Variants in MTMR8 observed in about 807,000 individuals in gnomAD.
MTMR8 encodes phosphatidylinositol-3,5-bisphosphate 3-phosphatase MTMR8.
In MTMR8, 65 loss-of-function variants were observed where a neutral mutation model predicts 39.3. The ratio of observed to expected loss-of-function variants is 1.65; its 90% CI spans 1.35 to 2.03. MTMR8 has a LOEUF of 2.03. Among genes scored for constraint, MTMR8 ranks in the 30% most tolerant of loss-of-function variants. The pLI is 0.00. For missense variants in MTMR8, 777 were observed against 538.9 expected (o/e 1.44, Z -4.37); for synonymous variants, 245 against 185.2 (o/e 1.32, Z -2.62).
At chrX:64,374,089 A>G (rs901479721) in intron 1 of MTMR8, among the ~76,000 whole-genome samples, 2 of 112,031 alleles carry the variant, frequency 1.8e-5, no homozygotes, top group African/African-American at 6.5e-5. Context: ...CATGGGAAAT[A>G]AAAGTAGAAT....
At chrX:64,359,357 T>A (rs377477783) in intron 2 of MTMR8, 48 bp downstream of exon 2, 72 of 1,146,758 alleles carry the variant, frequency 6.3e-5, no homozygotes, top group African/African-American at 1.8e-5. Flanking sequence ...AGAGAGCATG[T>A]ATGCACAACT....
chrX:64,368,607 T>C (rs1431671032), intron 1 of MTMR8, among the ~76,000 whole-genome samples: 1 of 111,800 alleles, frequency 8.9e-6, no homozygotes, highest in Non-Finnish European at 1.9e-5. Context: ...CAAAAATTAA[T>C]TCAAGATGGA....
At chrX:64,323,160 G>T (rs1922699670) in intron 12 of MTMR8, among the ~76,000 whole-genome samples, 1 of 112,264 alleles carries the variant, frequency 8.9e-6, no homozygotes, top group South Asian at 3.7e-4. Context: ...TTACCAACCA[G>T]GCATACCAAT....
intron 1 of MTMR8, among the ~76,000 whole-genome samples, chrX:64,364,155 G>T (rs1327072869): frequency 1.8e-5 from 2 of 112,632 alleles, no homozygotes; most frequent in Non-Finnish European, 3.8e-5. Flanking sequence ...CAACTCTGGG[G>T]CAGGGCATAG....
chrX:64,384,335 T>C (rs1478737081), intron 1 of MTMR8, among the ~76,000 whole-genome samples: 1 of 111,270 alleles, frequency 9.0e-6, no homozygotes, highest in African/African-American at 3.3e-5. Flanking sequence ...AAACTACCAG[T>C]GGATCTCCCA....
At chrX:64,372,544 C>A (rs1011041081) in intron 1 of MTMR8, among the ~76,000 whole-genome samples, 1 of 111,928 alleles carries the variant, frequency 8.9e-6, no homozygotes, top group Non-Finnish European at 1.9e-5. Flanking sequence ...ACAATTAATT[C>A]TTAAAGAATA....
At chrX:64,317,111 CAA>C (rs1203927676) in intron 12 of MTMR8, among the ~76,000 whole-genome samples, 13 of 46,077 alleles carry the variant, frequency 2.8e-4, no homozygotes, top group Admixed American at 8.7e-4. Flanking sequence ...GACTGTGTCT[CAA>C]AAAAAAAAAA....
intron 1 of MTMR8, among the ~76,000 whole-genome samples, chrX:64,371,974 T>C (rs1181380537): frequency 9.2e-6 from 1 of 108,947 alleles, no homozygotes; most frequent in Non-Finnish European, 1.9e-5. Flanking sequence ...ATTTAAAAGT[T>C]AAGTAAAAAT....
At chrX:64,284,265 G>C (rs1294669705) in intron 12 of MTMR8, among the ~76,000 whole-genome samples, 3 of 111,780 alleles carry the variant, frequency 2.7e-5, no homozygotes, top group Non-Finnish European at 1.9e-5. Context: ...GAGAAGAGAA[G>C]TTTAGAGAAA....
At chrX:64,313,774 C>T (rs1276825018) in intron 12 of MTMR8, among the ~76,000 whole-genome samples, 5 of 112,394 alleles carry the variant, frequency 4.4e-5, no homozygotes, top group Non-Finnish European at 9.4e-5. Context: ...CCATATTCTG[C>T]ATTCTAGTTC....
chrX:64,330,858 G>GA (rs1333658767), intron 11 of MTMR8, among the ~76,000 whole-genome samples: 2 of 111,502 alleles, frequency 1.8e-5, no homozygotes, highest in African/African-American at 3.3e-5. Flanking sequence ...AGAATATTTA[G>GA]AAAAAACATC....
chrX:64,273,300 AG>A (rs1254144155), intron 12 of MTMR8, among the ~76,000 whole-genome samples: 1 of 111,102 alleles, frequency 9.0e-6, no homozygotes, highest in African/African-American at 3.3e-5. Context: ...AATAACATAG[AG>A]AAGAAGAAAA....
chrX:64,294,348 AT>A (rs1248988711), intron 12 of MTMR8, among the ~76,000 whole-genome samples: 1 of 111,493 alleles, frequency 9.0e-6, no homozygotes, highest in Admixed American at 9.6e-5. Flanking sequence ...TGAAGAGTAT[AT>A]TTTTTCCCAG....
At chrX:64,331,834 G>C in intron 10 of MTMR8, 77 bp from the exon 11 acceptor site, 6 of 890,210 alleles carry the variant, frequency 6.7e-6, no homozygotes, top group Non-Finnish European at 9.5e-6. Context: ...GGCTGTAAGA[G>C]GGTCATCTTT....
intron 1 of MTMR8, among the ~76,000 whole-genome samples, chrX:64,388,702 C>A (rs1924622696): frequency 8.9e-6 from 1 of 112,123 alleles, no homozygotes; most frequent in African/African-American, 3.2e-5. Context: ...ATCCTAGTTC[C>A]ACAGATGTTA....
chrX:64,380,533 C>A (rs1415605036), intron 1 of MTMR8, among the ~76,000 whole-genome samples: 5 of 112,507 alleles, frequency 4.4e-5, no homozygotes, highest in Non-Finnish European at 5.6e-5. Flanking sequence ...ATCCAAACTT[C>A]ATCTAAATAA....
At chrX:64,311,851 C>T (rs1922313940) in intron 12 of MTMR8, among the ~76,000 whole-genome samples, 1 of 99,966 alleles carries the variant, frequency 1.0e-5, no homozygotes, top group South Asian at 4.6e-4. Context: ...CAGTTCGGTT[C>T]CATTGGTTTA....
At chrX:64,315,109 C>T (rs1239398045) in intron 12 of MTMR8, among the ~76,000 whole-genome samples, 1 of 112,091 alleles carries the variant, frequency 8.9e-6, no homozygotes, top group Admixed American at 9.4e-5. Flanking sequence ...CTGCACCAAG[C>T]CCTCTGTGCT....
intron 1 of MTMR8, among the ~76,000 whole-genome samples, chrX:64,382,263 T>A (rs911755845): frequency 1.4e-4 from 16 of 111,933 alleles, no homozygotes; most frequent in African/African-American, 4.9e-4. Context: ...TTTGTTTGTA[T>A]CCTCTTTTAT....
Sources: gnomAD v4.1 joint callset for allele counts (sites outside exome capture counted in the v4.1 genomes callset) on GRCh38, gnomAD v4.1.1 for gene constraint, MANE v1.5 for transcripts, NCBI Gene and HGNC (gene_info 2026-07-23, HGNC 2026-07-21) for gene names.